NIPBL: variants seen among roughly 807,000 people sequenced by gnomAD.
NIPBL encodes the protein NIPBL cohesin loading factor.
A neutral mutation model predicts 321.8 loss-of-function variants in NIPBL; 19 were observed. The observed-to-expected ratio is 0.06, with a 90% CI of 0.04 to 0.09. The LOEUF is 0.09. Ranked by LOEUF, NIPBL falls within the 10% of genes least tolerant of loss-of-function variation. The probability of loss-of-function intolerance (pLI) is 1.00; values close to 1 mark genes in which losing one functional copy is unlikely to be tolerated. For missense variants in NIPBL, 2,210 were observed against 3,327.0 expected, an observed-to-expected ratio of 0.66 and a Z score of 8.26; for synonymous variants, 1,106 against 1,114.1, an observed-to-expected ratio of 0.99 and a Z score of 0.14.
intron 40 of NIPBL, among the ~76,000 whole-genome samples, chr5:37,050,234 G>C (rs750790290): frequency 6.6e-6 from 1 of 151,988 alleles, no homozygotes; most frequent in Non-Finnish European, 1.5e-5. Context: ...GGAGGCAGAG[G>C]TGGGCGGATC....
In NIPBL at chr5:37,007,593, GTA is replaced by G. The variant is rs1387126555; in HGVS notation, c.4239+121_4239+122del. ...TTATCAAGAATTTTTCCTGTTAAGA[GTA>G]TGTTATATCTAAATCGAAGAAATAA... On this transcript the variant is annotated intron_variant, in intron 18 of 46. Transcript: ENST00000282516. The G allele has an allele frequency of 2.6e-5, 18 of 689,330 alleles. No individual in the cohort carries two copies. In the East Asian group the frequency reaches 4.7e-4, roughly 18 times the overall value. The allele number at this position is 689,330 out of a possible 1,614,324, so 42.7% of individuals were successfully genotyped here.
intron 1 of NIPBL, among the ~76,000 whole-genome samples, chr5:36,908,012 C>T (rs1747769816): frequency 6.6e-6 from 1 of 152,114 alleles, no homozygotes; most frequent in South Asian, 2.1e-4. Flanking sequence ...AGCTAACAAC[C>T]AATGCTGACA....
In NIPBL at chr5:36,976,172, A is replaced by G. The variant is rs1225872271; in HGVS notation, c.1265A>G (p.Gln422Arg). Residue 422 changes from glutamine to arginine, a missense_variant, in exon 9 of 47, where the codon CAG (glutamine) becomes CGG (arginine). Physicochemically the swap from Gln to Arg is conservative, Grantham distance 43 (BLOSUM62 1). This residue lies in a region of NIPBL where 464 missense variants were observed against 529.5 expected (regional missense o/e 0.88). Coordinates refer to ENST00000282516, the MANE Select transcript of NIPBL (RefSeq NM_133433.4). ...CTAAATGCTGCTCAATGTTTGTCGC[A>G]GCAAGAACAAACAGCATTCCTTCCA... ...RPLNAAQCLS[Q>R]QEQTAFLPAN... 1.9e-6 allele frequency: 3 copies of G among 1,612,946 alleles called. No homozygotes were observed. In the Admixed American group the frequency reaches 5.0e-5, roughly 27 times the overall value.
intron 10 of NIPBL, 65 bp from the exon 11 acceptor site, chr5:36,995,555 CTT>C (rs1310749387): frequency 9.6e-7 from 1 of 1,042,180 alleles, no homozygotes; most frequent in Non-Finnish European, 1.5e-6. Context: ...ATTATGCTAA[CTT>C]AGTTAAAATT....
chr5:36,934,784 A>G (rs774689262), intron 1 of NIPBL, among the ~76,000 whole-genome samples: 9 of 152,184 alleles, frequency 5.9e-5, no homozygotes, highest in Non-Finnish European at 1.2e-4. Context: ...AAATAAATGA[A>G]TTTTTGAAGA....
Position 37,019,319 on chromosome 5 carries a change from A to C in NIPBL, c.4929A>C (p.Gly1643=). ...SIERILKQVS[G]GEDEIQQLQK... ...TTTGGTTTATTCTATAGGTTTCAGG[A>C]GGGGAAGATGAAATCCAACAATTAC... The change falls in exon 25 of 47, where the codon GGA becomes GGC. Residue 1643 remains glycine, a synonymous_variant. Coordinates refer to ENST00000282516, the MANE Select transcript of NIPBL (RefSeq NM_133433.4). 1.2e-6 allele frequency: 2 copies of C among 1,608,344 alleles called. No homozygotes were observed. Among genetic ancestry groups the C allele is most frequent in the Non-Finnish European group, 1.7e-6 (2 of 1,175,064 alleles).
chr5:37,030,442 T>G (rs894442362), intron 32 of NIPBL, among the ~76,000 whole-genome samples: 2 of 152,184 alleles, frequency 1.3e-5, no homozygotes, highest in Non-Finnish European at 2.9e-5. Context: ...GCATAAATGT[T>G]AAGAAAAGCT....
chr5:36,944,210 G>T (rs1382294998), intron 1 of NIPBL, among the ~76,000 whole-genome samples: 1 of 151,970 alleles, frequency 6.6e-6, no homozygotes, highest in Non-Finnish European at 1.5e-5. Context: ...TCAATATGTG[G>T]AAAAATTGAT....
At chr5:36,998,538 G>A (rs1031259562) in intron 11 of NIPBL, among the ~76,000 whole-genome samples, 7 of 152,022 alleles carry the variant, frequency 4.6e-5, no homozygotes, top group African/African-American at 1.2e-4. Context: ...AATTTCTGGC[G>A]CAGTAGCTCA....
chr5:36,935,849 G>A (rs1318878971), intron 1 of NIPBL, among the ~76,000 whole-genome samples: 1 of 151,866 alleles, frequency 6.6e-6, no homozygotes, highest in East Asian at 1.9e-4. Context: ...TTAACTTGTG[G>A]CTACCTAAAA....
intron 33 of NIPBL, among the ~76,000 whole-genome samples, chr5:37,036,727 A>G (rs1199650540): frequency 2.0e-5 from 3 of 151,364 alleles, no homozygotes; most frequent in Non-Finnish European, 4.4e-5. Context: ...TCTTTCACAT[A>G]TCTTTTAATA....
chr5:36,877,176 C>T lies in NIPBL; in HGVS notation c.-82C>T, dbSNP rs1745130458. 3.7e-6 allele frequency: 1 copy of T among 272,234 alleles called. No homozygotes were observed. Among genetic ancestry groups the T allele is most frequent in the African/African-American group, 2.2e-5 (1 of 44,784 alleles). The allele number at this position is 272,234 out of a possible 1,614,324, so 16.9% of individuals were successfully genotyped here. ...CCTTGGATTCAGACGCCGATTCGCC[C>T]AGGTAAATTCCTGCTCTTTATTTCG... On this transcript the variant is annotated splice_region_variant and 5_prime_UTR_variant, in exon 1 of 47. Coordinates refer to ENST00000282516, the MANE Select transcript of NIPBL (RefSeq NM_133433.4).
At chr5:37,043,572 T>G (rs1752676312) in intron 34 of NIPBL, among the ~76,000 whole-genome samples, 1 of 151,868 alleles carries the variant, frequency 6.6e-6, no homozygotes, top group Non-Finnish European at 1.5e-5. Context: ...TGTGGTATTA[T>G]GCGCCTGTAG....
chr5:36,914,080 C>T (rs548234964), intron 1 of NIPBL, among the ~76,000 whole-genome samples: 20 of 152,310 alleles, frequency 1.3e-4, no homozygotes, highest in African/African-American at 4.3e-4. Flanking sequence ...TAGTCCTCCA[C>T]GGTGACCACC....
intron 10 of NIPBL, among the ~76,000 whole-genome samples, chr5:36,994,074 A>G (rs1015860455): frequency 1.3e-5 from 2 of 152,184 alleles, no homozygotes; most frequent in Non-Finnish European, 1.5e-5. Context: ...GAAAATATGC[A>G]ATGCAAAGCT....
At chr5:37,052,802 A>G (rs1459663289) in intron 42 of NIPBL, among the ~76,000 whole-genome samples, 3 of 152,246 alleles carry the variant, frequency 2.0e-5, no homozygotes, top group Non-Finnish European at 4.4e-5. Context: ...TGAATATCCT[A>G]TAAACTTTGA....
intron 22 of NIPBL, among the ~76,000 whole-genome samples, chr5:37,015,154 G>A (rs992617803): frequency 2.0e-5 from 3 of 149,988 alleles, no homozygotes; most frequent in East Asian, 2.0e-4. Flanking sequence ...ACAGAGTTTC[G>A]CTCTTGTTGC....
At chr5:36,968,496 G>C (rs1463968832) in intron 6 of NIPBL, among the ~76,000 whole-genome samples, 1 of 152,054 alleles carries the variant, frequency 6.6e-6, no homozygotes, top group Non-Finnish European at 1.5e-5. Context: ...GTTAGCCTGG[G>C]AGGCGGAGCT....
chr5:37,033,726 A>ATT (rs1299371311), intron 32 of NIPBL, among the ~76,000 whole-genome samples: 81 of 79,036 alleles, frequency 1.0e-3, no homozygotes, highest in Non-Finnish European at 1.4e-3. Context: ...ATATATATAT[A>ATT]TATATTTTTT....
Sources: gnomAD v4.1 joint callset for allele counts (sites outside exome capture counted in the v4.1 genomes callset) on GRCh38, gnomAD v4.1.1 for gene constraint, gnomAD v4.1.1 regional missense constraint, MANE v1.5 for transcripts, NCBI Gene and HGNC (gene_info 2026-07-23, HGNC 2026-07-21) for gene names.